Variants in RNLS observed in about 807,000 individuals in gnomAD.
RNLS encodes the protein renalase.
In RNLS, 39 loss-of-function variants were observed where a neutral mutation model predicts 39.8. That is an observed-to-expected ratio of 0.98 (90% CI 0.76 to 1.28). RNLS has a LOEUF of 1.28. Ranked by LOEUF, RNLS falls within the 50% of genes most tolerant of loss-of-function variation. RNLS has a pLI of 0.00. For synonymous variants in RNLS, 147 were observed against 150.7 expected, an observed-to-expected ratio of 0.98 and a Z score of 0.18; for missense variants, 410 against 413.3, an observed-to-expected ratio of 0.99 and a Z score of 0.07.
intron 3 of RNLS, among the ~76,000 whole-genome samples, chr10:88,575,214 GTATATATA>G (rs10583088): frequency 7.8e-6 from 1 of 128,664 alleles, no homozygotes; most frequent in East Asian, 2.2e-4. Flanking sequence ...ATATGTGTGT[GTATATATA>G]TATATATATA....
At chr10:88,234,342 C>T in the RNLS span, among the ~76,000 whole-genome samples, 5 of 152,188 alleles carry the variant, frequency 3.3e-5, no homozygotes, top group South Asian at 4.1e-4. Flanking sequence ...GTTCCTGGCA[C>T]GGTGAATTTG....
At chr10:88,559,696 A>G (rs1267867866) in intron 4 of RNLS, among the ~76,000 whole-genome samples, 1 of 90,672 alleles carries the variant, frequency 1.1e-5, no homozygotes, top group African/African-American at 4.9e-5. Flanking sequence ...ATGCAGACTG[A>G]GAGCCTACAT....
downstream of RNLS, among the ~76,000 whole-genome samples, chr10:88,269,517 CCTAA>C (rs951365782): frequency 3.9e-5 from 6 of 152,172 alleles, no homozygotes; most frequent in African/African-American, 7.2e-5. Context: ...TAGGGCCTGG[CCTAA>C]CTGACTCCTG....
intron 4 of RNLS, among the ~76,000 whole-genome samples, chr10:88,547,905 T>C (rs1848398337): frequency 6.6e-6 from 1 of 152,128 alleles, no homozygotes. Flanking sequence ...CAATTATTAT[T>C]TGTCAATTAA....
chr10:88,535,368 T>C (rs1244916528), intron 4 of RNLS, among the ~76,000 whole-genome samples: 1 of 151,610 alleles, frequency 6.6e-6, no homozygotes, highest in Non-Finnish European at 1.5e-5. Context: ...GGAGTAGTTG[T>C]ATAGGTTGGA....
At chr10:88,353,935 TG>T (rs1373282716) in intron 5 of RNLS, among the ~76,000 whole-genome samples, 9 of 152,358 alleles carry the variant, frequency 5.9e-5, no homozygotes, top group Non-Finnish European at 1.3e-4. Context: ...TAGCTCTTCT[TG>T]TTGAATTGAT....
intron 5 of RNLS, among the ~76,000 whole-genome samples, chr10:88,332,711 A>G (rs1274010021): frequency 6.6e-6 from 1 of 152,212 alleles, no homozygotes; most frequent in Non-Finnish European, 1.5e-5. Context: ...CCCTTTTTAC[A>G]GGTTAACTAT....
chr10:88,405,839 G>A (rs751016197), intron 4 of RNLS, among the ~76,000 whole-genome samples: 2 of 152,190 alleles, frequency 1.3e-5, no homozygotes, highest in South Asian at 4.1e-4. Flanking sequence ...ATACTTTAAA[G>A]AGGTTCTGTT....
At chr10:88,189,283 T>C in the RNLS span, among the ~76,000 whole-genome samples, 10 of 152,214 alleles carry the variant, frequency 6.6e-5, no homozygotes, top group Non-Finnish European at 1.5e-4. Context: ...TTAAATACCA[T>C]TTCCCTATGT....
chr10:88,332,993 T>C lies in RNLS; in HGVS notation c.701-18352A>G, dbSNP rs1296157836. Among the ~76,000 whole-genome samples the C allele has an allele frequency of 2.0e-5, 3 of 152,224 alleles. No individual in the cohort carries two copies. In the East Asian group the frequency reaches 5.8e-4, roughly 29 times the overall value. ...ATTGTACACTTTTGAGGAATATCAA[T>C]TGAGCTTCAGATCTTGAGTCTGAAA... is the stretch of plus-strand genomic sequence containing the variant. On this transcript the variant is annotated intron_variant, in intron 5 of 6. Transcript: ENST00000331772.
chr10:88,365,638 A>G (rs1387533808), intron 4 of RNLS, among the ~76,000 whole-genome samples: 1 of 151,918 alleles, frequency 6.6e-6, no homozygotes, highest in Non-Finnish European at 1.5e-5. Context: ...TATGACTATG[A>G]GTAAAATGGC....
intron 5 of RNLS, among the ~76,000 whole-genome samples, chr10:88,330,460 T>A (rs1316838107): frequency 2.0e-5 from 3 of 152,252 alleles, no homozygotes; most frequent in Non-Finnish European, 2.9e-5. Flanking sequence ...ATAGAATATC[T>A]CTCTTAAGCT....
the RNLS span, among the ~76,000 whole-genome samples, chr10:88,191,148 G>A: frequency 6.6e-5 from 10 of 152,284 alleles, no homozygotes; most frequent in South Asian, 1.5e-3. Flanking sequence ...CAGCTGTAGC[G>A]GTGGCTTGCC....
At chr10:88,220,157 G>T in the RNLS span, among the ~76,000 whole-genome samples, 1 of 152,204 alleles carries the variant, frequency 6.6e-6, no homozygotes, top group African/African-American at 2.4e-5. Context: ...TGAAAATCCA[G>T]AAAGAGGACA....
At chr10:88,490,397 C>T (rs1430118270) in intron 4 of RNLS, among the ~76,000 whole-genome samples, 1 of 152,086 alleles carries the variant, frequency 6.6e-6, no homozygotes, top group Non-Finnish European at 1.5e-5. Flanking sequence ...TTTTTAAGCT[C>T]TAAACATAAA....
chr10:88,309,464 C>A, intron 6 of RNLS: 1 of 1,289,734 alleles, frequency 7.8e-7, no homozygotes, highest in Non-Finnish European at 1.0e-6. Context: ...CCACTTCCCC[C>A]ACCAAACAAA....
At chr10:88,423,973 C>T (rs548289886) in intron 4 of RNLS, among the ~76,000 whole-genome samples, 1 of 152,198 alleles carries the variant, frequency 6.6e-6, no homozygotes, top group Non-Finnish European at 1.5e-5. Flanking sequence ...GACCTAGGGA[C>T]AAGTGTCCCT....
At chr10:88,539,299 T>C (rs1847928013) in intron 4 of RNLS, among the ~76,000 whole-genome samples, 3 of 152,290 alleles carry the variant, frequency 2.0e-5, no homozygotes, top group Admixed American at 2.0e-4. Context: ...AGTATGCACA[T>C]ATAATATCAC....
chr10:88,523,548 C>T (rs1846889892), intron 4 of RNLS, among the ~76,000 whole-genome samples: 1 of 152,114 alleles, frequency 6.6e-6, no homozygotes, highest in South Asian at 2.1e-4. Context: ...AGCTCAGAAA[C>T]ATTTGGCTAC....
Sources: gnomAD v4.1 joint callset for allele counts (sites outside exome capture counted in the v4.1 genomes callset) on GRCh38, gnomAD v4.1.1 for gene constraint, MANE v1.5 for transcripts, NCBI Gene and HGNC (gene_info 2026-07-23, HGNC 2026-07-21) for gene names.